Variants in NR3C1 observed in about 807,000 individuals in gnomAD.
NR3C1 encodes the protein nuclear receptor subfamily 3 group C member 1, also known as glucocorticoid receptor.
A neutral mutation model predicts 74.0 loss-of-function variants in NR3C1; 14 were observed. That is an observed-to-expected ratio of 0.19 (90% confidence interval 0.12 to 0.30). NR3C1 has a LOEUF of 0.30. Ranked by LOEUF, NR3C1 falls within the 10% of genes least tolerant of loss-of-function variation. The pLI is 1.00. For missense variants in NR3C1, 695 were observed against 909.8 expected, an observed-to-expected ratio of 0.76 and a Z score of 3.04; for synonymous variants, 308 against 332.5, an observed-to-expected ratio of 0.93 and a Z score of 0.80.
chr5:143,286,820 C>T (rs1814608642), intron 7 of NR3C1, among the ~76,000 whole-genome samples: 1 of 151,656 alleles, frequency 6.6e-6, no homozygotes, highest in Admixed American at 6.6e-5. Flanking sequence ...TTTTTTCAAG[C>T]ACTCATGGAA....
intron 2 of NR3C1, among the ~76,000 whole-genome samples, chr5:143,397,964 T>C (rs972976648): frequency 2.0e-5 from 3 of 152,056 alleles, no homozygotes; most frequent in Non-Finnish European, 4.4e-5. Context: ...AACCATGCCA[T>C]GATGATTATC....
intron 1 of NR3C1, among the ~76,000 whole-genome samples, chr5:143,431,050 G>A (rs917623629): frequency 6.6e-6 from 1 of 152,170 alleles, no homozygotes; most frequent in African/African-American, 2.4e-5. Flanking sequence ...TGGGAGGAGA[G>A]AGGAGAAGGT....
chr5:143,299,927 G>A (rs576491271), intron 5 of NR3C1, among the ~76,000 whole-genome samples: 2 of 152,230 alleles, frequency 1.3e-5, no homozygotes, highest in African/African-American at 4.8e-5. Context: ...TCAATTCCCT[G>A]TCTTTAAAGT....
At chr5:143,350,881 G>A (rs1561641450) in intron 2 of NR3C1, among the ~76,000 whole-genome samples, 1 of 152,162 alleles carries the variant, frequency 6.6e-6, no homozygotes, top group Non-Finnish European at 1.5e-5. Flanking sequence ...CTAGCACAGG[G>A]CTGGTGCCAA....
At chr5:143,319,771 C>T (rs1406913875) in intron 2 of NR3C1, among the ~76,000 whole-genome samples, 1 of 151,688 alleles carries the variant, frequency 6.6e-6, no homozygotes, top group African/African-American at 2.4e-5. Flanking sequence ...GAAAACCTGG[C>T]CATAAAGCTT....
At chr5:143,319,557 A>T (rs969578007) in intron 2 of NR3C1, among the ~76,000 whole-genome samples, 21 of 152,226 alleles carry the variant, frequency 1.4e-4, no homozygotes, top group Admixed American at 6.5e-5. Flanking sequence ...ACCGTAACAC[A>T]GTAGTTCTCA....
At chr5:143,312,686 C>G (rs545985481) in intron 3 of NR3C1, among the ~76,000 whole-genome samples, 5 of 152,278 alleles carry the variant, frequency 3.3e-5, no homozygotes, top group African/African-American at 1.2e-4. Flanking sequence ...ATACTGAATG[C>G]GTATCACTTT....
chr5:143,319,845 T>C (rs191573121), intron 2 of NR3C1, among the ~76,000 whole-genome samples: 8 of 150,070 alleles, frequency 5.3e-5, no homozygotes, highest in Admixed American at 6.6e-5. Flanking sequence ...ACCTAAACTA[T>C]GCTTAAAAAT....
chr5:143,391,373 A>G (rs1378196003), intron 2 of NR3C1, among the ~76,000 whole-genome samples: 1 of 152,176 alleles, frequency 6.6e-6, no homozygotes, highest in African/African-American at 2.4e-5. Context: ...GTTAGGATAA[A>G]TTTTGGTATT....
chr5:143,315,877 C>T (rs1450352853), intron 2 of NR3C1, among the ~76,000 whole-genome samples: 2 of 152,318 alleles, frequency 1.3e-5, no homozygotes, highest in African/African-American at 4.8e-5. Flanking sequence ...TCAAATGAAG[C>T]TTCCTGAATC....
At chr5:143,374,650 T>A (rs1026790657) in intron 2 of NR3C1, among the ~76,000 whole-genome samples, 1 of 152,004 alleles carries the variant, frequency 6.6e-6, no homozygotes, top group Non-Finnish European at 1.5e-5. Flanking sequence ...GAAATCTATT[T>A]TATGAGCCCA....
At chr5:143,298,559 A>AG in intron 6 of NR3C1, 109 bp downstream of exon 6, 1 of 1,205,512 alleles carries the variant, frequency 8.3e-7, no homozygotes, top group East Asian at 2.4e-5. Flanking sequence ...CTAGATACCT[A>AG]GTAGGATTGT....
At chr5:143,426,944 C>T in intron 1 of NR3C1, among the ~76,000 whole-genome samples, 1 of 152,176 alleles carries the variant, frequency 6.6e-6, no homozygotes, top group Admixed American at 6.5e-5. Flanking sequence ...GGGAGGACCA[C>T]CCATGTGAGT....
intron 1 of NR3C1, among the ~76,000 whole-genome samples, chr5:143,424,351 ATAAC>A (rs1042674714): frequency 1.4e-4 from 21 of 152,146 alleles, no homozygotes; most frequent in Non-Finnish European, 2.9e-4. Context: ...ATATTTCAAA[ATAAC>A]TAAGAGTGGA....
At chr5:143,298,340 T>C (rs1442156037) in intron 6 of NR3C1, among the ~76,000 whole-genome samples, 3 of 152,224 alleles carry the variant, frequency 2.0e-5, no homozygotes, top group Non-Finnish European at 4.4e-5. Flanking sequence ...AGTTTTACCA[T>C]GCTCCTTTTT....
intron 1 of NR3C1, among the ~76,000 whole-genome samples, chr5:143,416,929 C>T (rs1454090879): frequency 1.3e-5 from 2 of 152,152 alleles, no homozygotes; most frequent in African/African-American, 4.8e-5. Context: ...ATTCTGGTTA[C>T]ATCTGCCTCA....
intron 2 of NR3C1, among the ~76,000 whole-genome samples, chr5:143,394,381 T>G (rs1838820742): frequency 6.6e-6 from 1 of 152,016 alleles, no homozygotes; most frequent in Non-Finnish European, 1.5e-5. Flanking sequence ...TTCTGCATAT[T>G]ATGAAAAATT....
In NR3C1 at chr5:143,323,549, C is replaced by T. The variant is rs181664498; in HGVS notation, c.1185-9381G>A. On this transcript the variant is annotated intron_variant, in intron 2 of 8. Coordinates refer to ENST00000394464, the MANE Select transcript of NR3C1 (RefSeq NM_000176.3). ...TCAAGTTGAGATTAGGGTGGGGACA[C>T]AGCCAAACCATATCATTCCACCCCT... 1.6e-4 allele frequency among the ~76,000 whole-genome samples: 25 copies of T among 152,220 alleles called. 1 individual carries two copies. The East Asian group carries it at 4.6e-3, about 28-fold the overall frequency.
intron 2 of NR3C1, among the ~76,000 whole-genome samples, chr5:143,339,133 A>G (rs996264050): frequency 6.6e-6 from 1 of 152,232 alleles, no homozygotes; most frequent in Non-Finnish European, 1.5e-5. Context: ...CTGCACAATG[A>G]TGACATCGCC....
Sources: allele counts gnomAD v4.1 joint callset (sites outside exome capture counted in the v4.1 genomes callset), GRCh38; gene constraint gnomAD v4.1.1; transcripts MANE v1.5; gene names NCBI Gene and HGNC (gene_info 2026-07-23, HGNC 2026-07-21).